Variants in DPYSL3 observed in about 807,000 individuals in gnomAD.
DPYSL3 encodes dihydropyrimidinase-related protein 3.
Under a neutral mutation model 66.1 loss-of-function variants are expected in DPYSL3, and 16 were observed. The ratio of observed to expected loss-of-function variants is 0.24; its 90% CI spans 0.16 to 0.37. The LOEUF (loss-of-function observed/expected upper bound fraction) is 0.37. Among genes scored for constraint, DPYSL3 ranks in the 10% least tolerant of loss-of-function variants. The pLI, the probability that DPYSL3 is intolerant of heterozygous loss-of-function variation, is 1.00. For synonymous variants in DPYSL3, 338 were observed against 345.1 expected (o/e 0.98, Z 0.23); for missense variants, 738 against 916.2 (o/e 0.81, Z 2.51).
At chr5:147,456,317 C>T (rs1358541167) in intron 1 of DPYSL3, among the ~76,000 whole-genome samples, 2 of 152,154 alleles carry the variant, frequency 1.3e-5, no homozygotes, top group Non-Finnish European at 2.9e-5. Context: ...AATGGTTTTC[C>T]TTGGATACAC....
At chr5:147,429,021 C>G (rs1369208329) in intron 1 of DPYSL3, among the ~76,000 whole-genome samples, 2 of 152,198 alleles carry the variant, frequency 1.3e-5, no homozygotes, top group Non-Finnish European at 2.9e-5. Context: ...TCTTCACCTT[C>G]TGTTCCTGGC....
intron 1 of DPYSL3, chr5:147,453,847 G>GC (rs1396967364): frequency 1.4e-6 from 1 of 691,926 alleles, no homozygotes; most frequent in Non-Finnish European, 1.9e-6. Flanking sequence ...CCCGGGTTTT[G>GC]TTTTTTTTTT....
intron 1 of DPYSL3, among the ~76,000 whole-genome samples, chr5:147,486,343 A>T (rs1753328746): frequency 6.6e-6 from 1 of 152,210 alleles, no homozygotes; most frequent in Non-Finnish European, 1.5e-5. Flanking sequence ...TTTAAAAAGC[A>T]ATGCCTGGCA....
intron 1 of DPYSL3, among the ~76,000 whole-genome samples, chr5:147,443,496 T>C (rs1222686243): frequency 6.6e-6 from 1 of 151,174 alleles, no homozygotes; most frequent in Non-Finnish European, 1.5e-5. Flanking sequence ...GGGGGGGTGA[T>C]GGGAGGGAAC....
Position 147,400,764 on chromosome 5 carries a change from G to C in DPYSL3, c.1380C>G (p.Asp460Glu). 1 of 1,614,200 alleles carries C rather than the reference G, an allele frequency of 6.2e-7. No individual in the cohort carries two copies. Among genetic ancestry groups the C allele is most frequent in the South Asian group, 1.1e-5 (1 of 91,076 alleles). Residue 460 changes from aspartate (D) to glutamate (E), a missense_variant, in exon 10 of 14, where the codon GAC (aspartate) becomes GAG (glutamate). Transcript: ENST00000343218. Reference protein sequence around the residue: ...FSTAQKAIGKDNFTAIPEGTN... With the variant: ...FSTAQKAIGKENFTAIPEGTN... ...TGCCCTCAGGAATGGCTGTGAAGTT[G>C]TCCTTCCCAATTGCTTTCTGGGCAG...
intron 8 of DPYSL3, among the ~76,000 whole-genome samples, chr5:147,402,860 G>GA (rs1247144435): frequency 4.2e-4 from 64 of 152,278 alleles, no homozygotes; most frequent in Non-Finnish European, 1.0e-4. Flanking sequence ...AAGGAATAGT[G>GA]ATATAGAAAG....
intron 1 of DPYSL3, among the ~76,000 whole-genome samples, chr5:147,482,737 G>A (rs763437992): frequency 6.6e-6 from 1 of 152,166 alleles, no homozygotes; most frequent in Non-Finnish European, 1.5e-5. Flanking sequence ...GAAGGAGGTT[G>A]TATTAGTCTG....
intron 1 of DPYSL3, among the ~76,000 whole-genome samples, chr5:147,483,824 T>C (rs1380313414): frequency 6.6e-6 from 1 of 152,204 alleles, no homozygotes; most frequent in Non-Finnish European, 1.5e-5. Flanking sequence ...TCAGTTATCA[T>C]ATCTGTAAAA....
rs149465419 is a variant in DPYSL3 at position 147,487,502 on chromosome 5, C to T, written c.381+21976G>A. 2.5e-4 allele frequency among the ~76,000 whole-genome samples: 38 copies of T among 152,284 alleles called. No individual in the cohort carries two copies. In the East Asian group the frequency reaches 6.6e-3, roughly 26 times the overall value. ...TCTTGCACACATACAAACACACATACACCTGTGCCACTTTTCTTTTATTCA... is the reference window on the plus strand; with the variant it reads ...TCTTGCACACATACAAACACACATATACCTGTGCCACTTTTCTTTTATTCA... On this transcript the variant is annotated intron_variant, in intron 1 of 13. Coordinates refer to ENST00000343218, the MANE Select transcript of DPYSL3 (RefSeq NM_001197294.2).
intron 1 of DPYSL3, among the ~76,000 whole-genome samples, chr5:147,477,851 G>A (rs1409629041): frequency 6.6e-6 from 1 of 151,828 alleles, no homozygotes; most frequent in Non-Finnish European, 1.5e-5. Context: ...CAAAGTGCTG[G>A]GATTACAGGC....
chr5:147,497,071 TA>T (rs1470775433), intron 1 of DPYSL3, among the ~76,000 whole-genome samples: 1 of 152,080 alleles, frequency 6.6e-6, no homozygotes, highest in Non-Finnish European at 1.5e-5. Flanking sequence ...TATGCAGCCA[TA>T]AAAAATGATG....
chr5:147,459,229 A>C (rs534716072), intron 1 of DPYSL3, among the ~76,000 whole-genome samples: 2 of 152,304 alleles, frequency 1.3e-5, no homozygotes, highest in South Asian at 4.1e-4. Context: ...CTTTCTAAAA[A>C]TACATTTATA....
At chr5:147,406,717 CAG>C (rs1430707424) in intron 7 of DPYSL3, among the ~76,000 whole-genome samples, 1 of 152,204 alleles carries the variant, frequency 6.6e-6, no homozygotes, top group African/African-American at 2.4e-5. Context: ...CAGCACAGAG[CAG>C]AGACTTTGAC....
intron 2 of DPYSL3, among the ~76,000 whole-genome samples, chr5:147,420,696 C>T (rs531449968): frequency 1.3e-5 from 2 of 152,192 alleles, no homozygotes; most frequent in South Asian, 2.1e-4. Context: ...TGGAGACATA[C>T]AAAATTTCAG....
intron 1 of DPYSL3, among the ~76,000 whole-genome samples, chr5:147,445,052 G>A (rs989703841): frequency 1.3e-5 from 2 of 152,088 alleles, no homozygotes; most frequent in African/African-American, 4.8e-5. Context: ...AAAGAGTCAT[G>A]GTGACAGTTT....
At chr5:147,452,470 C>A (rs1325150595) in intron 1 of DPYSL3, among the ~76,000 whole-genome samples, 1 of 144,530 alleles carries the variant, frequency 6.9e-6, no homozygotes, top group Non-Finnish European at 1.5e-5. Flanking sequence ...CACACACACA[C>A]CATCCAATTC....
intron 1 of DPYSL3, among the ~76,000 whole-genome samples, chr5:147,447,227 T>G (rs143175898): frequency 8.7e-4 from 133 of 152,318 alleles, no homozygotes; most frequent in African/African-American, 3.1e-3. Flanking sequence ...ACAATCTAAT[T>G]AACAGAAGAA....
chr5:147,453,029 C>T (rs1048758076), intron 1 of DPYSL3, among the ~76,000 whole-genome samples: 4 of 152,058 alleles, frequency 2.6e-5, no homozygotes, highest in African/African-American at 9.7e-5. Flanking sequence ...GGGGACACGG[C>T]GAGGACAGGT....
intron 1 of DPYSL3, chr5:147,453,618 C>T (rs528736381): frequency 4.6e-6 from 7 of 1,525,596 alleles, no homozygotes; most frequent in Non-Finnish European, 6.2e-6. Context: ...CGGCTGGCTC[C>T]CTCCCTCCTT....
Sources: allele counts gnomAD v4.1 joint callset (sites outside exome capture counted in the v4.1 genomes callset), GRCh38; gene constraint gnomAD v4.1.1; transcripts MANE v1.5; gene names NCBI Gene and HGNC (gene_info 2026-07-23, HGNC 2026-07-21).